Variants in CNTN4 observed in about 807,000 individuals in gnomAD.
CNTN4 encodes contactin-4.
In CNTN4, 77 loss-of-function variants were observed where a neutral mutation model predicts 122.5. The ratio of observed to expected loss-of-function variants is 0.63; its 90% CI spans 0.52 to 0.76. The LOEUF (loss-of-function observed/expected upper bound fraction) is 0.76, where lower values mean the gene tolerates loss of function less well. CNTN4 is among the 30% of genes least tolerant of loss of function. CNTN4 has a pLI of 0.00. For synonymous variants in CNTN4, 512 were observed against 447.0 expected (o/e 1.15, Z -1.83); for missense variants, 1,256 against 1,259.1 (o/e 1.00, Z 0.04).
intron 3 of CNTN4, chr3:2,511,696 C>G (rs879633232): frequency 6.6e-6 from 1 of 152,222 alleles, no homozygotes; most frequent in Non-Finnish European, 1.5e-5. Flanking sequence ...ACTTTACAGT[C>G]TGTAAGTACC....
intron 2 of CNTN4, among the ~76,000 whole-genome samples, chr3:2,235,384 A>G (rs1159021891): frequency 6.6e-6 from 1 of 152,236 alleles, no homozygotes; most frequent in African/African-American, 2.4e-5. Flanking sequence ...GGAAAGGAAT[A>G]TCTTAGCCTG....
intron 3 of CNTN4, among the ~76,000 whole-genome samples, chr3:2,376,616 G>C (rs938105316): frequency 2.7e-5 from 4 of 149,792 alleles, no homozygotes; most frequent in Non-Finnish European, 4.4e-5. Context: ...TCTACCTTGA[G>C]GATTTCCCAG....
intron 3 of CNTN4, among the ~76,000 whole-genome samples, chr3:2,483,841 T>A (rs980170464): frequency 6.6e-6 from 1 of 152,210 alleles, no homozygotes; most frequent in Non-Finnish European, 1.5e-5. Context: ...GTCTCAGGTA[T>A]TTCTTCATAG....
At chr3:2,771,628 A>T (rs532131805) in intron 6 of CNTN4, among the ~76,000 whole-genome samples, 35 of 152,344 alleles carry the variant, frequency 2.3e-4, no homozygotes, top group African/African-American at 7.7e-4. Context: ...TAAATGTCTT[A>T]TATAAAATAA....
chr3:2,247,176 C>G (rs1281965695), intron 2 of CNTN4, among the ~76,000 whole-genome samples: 2 of 151,970 alleles, frequency 1.3e-5, no homozygotes, highest in Non-Finnish European at 2.9e-5. Context: ...TGTTGATAAG[C>G]TATTGCCGTT....
At chr3:2,373,748 A>G (rs2045717351) in intron 3 of CNTN4, among the ~76,000 whole-genome samples, 1 of 152,344 alleles carries the variant, frequency 6.6e-6, no homozygotes, top group Non-Finnish European at 1.5e-5. Flanking sequence ...TTGGACAGAT[A>G]GATACTGTGC....
chr3:2,215,578 C>T (rs1483250304), intron 2 of CNTN4, among the ~76,000 whole-genome samples: 2 of 151,966 alleles, frequency 1.3e-5, no homozygotes, highest in Non-Finnish European at 2.9e-5. Context: ...ATATTCCTAC[C>T]AACAGTGTTA....
chr3:2,554,714 G>C (rs139846617), intron 3 of CNTN4, among the ~76,000 whole-genome samples: 2 of 152,158 alleles, frequency 1.3e-5, no homozygotes, highest in Non-Finnish European at 2.9e-5. Flanking sequence ...GCATTGATGT[G>C]TTCCAATATT....
chr3:3,053,702 C>T (rs769426798), intron 23 of CNTN4, 105 bp from the exon 24 acceptor site: 20 of 1,147,612 alleles, frequency 1.7e-5, no homozygotes, highest in Admixed American at 3.4e-5. Context: ...ACAACCTCTA[C>T]ATCCCTGCAT....
chr3:2,745,060 C>G (rs960190888), intron 5 of CNTN4, among the ~76,000 whole-genome samples: 3 of 152,026 alleles, frequency 2.0e-5, no homozygotes, highest in African/African-American at 7.2e-5. Context: ...TATTAAGGAC[C>G]AAATCAAAGC....
chr3:2,726,471 G>A lies in CNTN4; in HGVS notation c.56-9744G>A, dbSNP rs560905534. Among the ~76,000 whole-genome samples the A allele has an allele frequency of 3.9e-5, 6 of 152,300 alleles. No individual in the cohort carries two copies. The South Asian group carries it at 1.2e-3, about 32-fold the overall frequency. ...GGGTTGGTTCACCAAAGAAAGAGTA[G>A]AATGCTCTTACCTAATGAGGAGCAG... On this transcript the variant is annotated intron_variant, in intron 4 of 24. Coordinates refer to ENST00000418658, the MANE Select transcript of CNTN4 (RefSeq NM_175607.3).
At chr3:2,528,920 G>C (rs1321207244) in intron 3 of CNTN4, among the ~76,000 whole-genome samples, 1 of 151,922 alleles carries the variant, frequency 6.6e-6, no homozygotes, top group Non-Finnish European at 1.5e-5. Flanking sequence ...AGCATATCCT[G>C]TCACCTCAAC....
intron 13 of CNTN4, among the ~76,000 whole-genome samples, chr3:2,970,958 T>A (rs927613404): frequency 5.9e-5 from 9 of 152,076 alleles, no homozygotes; most frequent in African/African-American, 1.9e-4. Context: ...CAGTTAATTT[T>A]GCATTTTTCA....
intron 3 of CNTN4, among the ~76,000 whole-genome samples, chr3:2,507,734 CA>C (rs34779120): frequency 0.63 from 68,591 of 108,546 alleles, 18,070 homozygotes; most frequent in Middle Eastern, 0.69. Context: ...GACTTTGTCT[CA>C]AAAAAAAAAA....
At chr3:3,030,709 A>G in intron 15 of CNTN4, 146 bp from the exon 16 acceptor site, 3 of 968,032 alleles carry the variant, frequency 3.1e-6, no homozygotes, top group African/African-American at 1.6e-5. Context: ...GCAGGCTCAC[A>G]TATTTTTAAC....
chr3:2,162,416 T>C (rs949354435), intron 2 of CNTN4, among the ~76,000 whole-genome samples: 2 of 152,212 alleles, frequency 1.3e-5, no homozygotes, highest in African/African-American at 4.8e-5. Flanking sequence ...CAGGTTTTGT[T>C]TTGTTTTAGT....
intron 4 of CNTN4, among the ~76,000 whole-genome samples, chr3:2,662,633 C>T (rs1049453762): frequency 5.9e-5 from 9 of 152,140 alleles, no homozygotes; most frequent in African/African-American, 1.9e-4. Context: ...GCTAACTAGT[C>T]TCAACCTCAA....
intron 13 of CNTN4, among the ~76,000 whole-genome samples, chr3:2,927,843 G>A (rs1211715420): frequency 5.9e-5 from 9 of 151,986 alleles, no homozygotes; most frequent in South Asian, 4.1e-4. Context: ...GCTATTTATC[G>A]CCTCCACCTT....
intron 3 of CNTN4, among the ~76,000 whole-genome samples, chr3:2,447,865 G>T (rs2048681739): frequency 6.6e-6 from 1 of 152,068 alleles, no homozygotes; most frequent in Non-Finnish European, 1.5e-5. Context: ...CCAGTTAAGT[G>T]TAGATACTAT....
Sources: allele counts gnomAD v4.1 joint callset (sites outside exome capture counted in the v4.1 genomes callset), GRCh38; gene constraint gnomAD v4.1.1; transcripts MANE v1.5; gene names NCBI Gene and HGNC (gene_info 2026-07-23, HGNC 2026-07-21).